Variants in LRRC49 observed in about 807,000 individuals in gnomAD.
LRRC49 encodes the protein leucine-rich repeat-containing protein 49.
In LRRC49, 50 loss-of-function variants were observed where a neutral mutation model predicts 83.3. The observed-to-expected ratio is 0.60, with a 90% CI of 0.48 to 0.76. The LOEUF (loss-of-function observed/expected upper bound fraction) is 0.76. Among genes scored for constraint, LRRC49 ranks in the 30% least tolerant of loss-of-function variants. LRRC49 has a pLI of 0.00. For synonymous variants in LRRC49, 286 were observed against 283.3 expected (o/e 1.01, Z -0.10); for missense variants, 704 against 809.1 (o/e 0.87, Z 1.58).
intron 14 of LRRC49, among the ~76,000 whole-genome samples, chr15:71,031,181 G>A (rs1263561352): frequency 6.6e-6 from 1 of 152,160 alleles, no homozygotes; most frequent in Non-Finnish European, 1.5e-5. Flanking sequence ...TTTGGATGGG[G>A]TTTTTGTGTG....
intron 3 of LRRC49, chr15:70,900,684 C>G: frequency 4.2e-6 from 2 of 472,746 alleles, no homozygotes. Context: ...TCTGTACTTT[C>G]AACCAATCTG....
chr15:71,036,660 C>T (rs184762688), intron 14 of LRRC49, among the ~76,000 whole-genome samples: 2 of 152,238 alleles, frequency 1.3e-5, no homozygotes, highest in Admixed American at 6.5e-5. Flanking sequence ...TAGAATCTTG[C>T]CATGATATGC....
At chr15:70,965,447 C>T (rs1051596927) in intron 9 of LRRC49, among the ~76,000 whole-genome samples, 1 of 152,010 alleles carries the variant, frequency 6.6e-6, no homozygotes. Flanking sequence ...TGCATTATAG[C>T]TGAATTTTGT....
chr15:71,021,340 ATGT>A (rs1237404199), intron 14 of LRRC49, among the ~76,000 whole-genome samples: 1 of 152,230 alleles, frequency 6.6e-6, no homozygotes, highest in Non-Finnish European at 1.5e-5. Flanking sequence ...TAGTGGGTTA[ATGT>A]TGTTCATGTT....
intron 7 of LRRC49, among the ~76,000 whole-genome samples, chr15:70,927,946 GCCAGTCAT>G (rs1185249427): frequency 1.2e-4 from 18 of 152,302 alleles, no homozygotes; most frequent in African/African-American, 4.3e-4. Flanking sequence ...ACCATGCCCA[GCCAGTCAT>G]CCATTTTTAA....
chr15:70,979,118 A>G (rs1044802972), intron 9 of LRRC49, among the ~76,000 whole-genome samples: 10 of 152,114 alleles, frequency 6.6e-5, no homozygotes, highest in Non-Finnish European at 1.5e-4. Flanking sequence ...TTACGTGGTT[A>G]TAATTTATTA....
At chr15:70,914,778 G>A (rs1362768501) in intron 6 of LRRC49, among the ~76,000 whole-genome samples, 1 of 152,182 alleles carries the variant, frequency 6.6e-6, no homozygotes, top group Non-Finnish European at 1.5e-5. Flanking sequence ...TGTTCTTTCA[G>A]TGATCTCTTT....
At chr15:70,937,709 T>C (rs2035649772) in intron 8 of LRRC49, among the ~76,000 whole-genome samples, 1 of 152,210 alleles carries the variant, frequency 6.6e-6, no homozygotes, top group Non-Finnish European at 1.5e-5. Context: ...TTTAACCCAA[T>C]CATCCTGTAC....
intron 8 of LRRC49, among the ~76,000 whole-genome samples, chr15:70,947,745 T>A (rs1441851583): frequency 1.3e-5 from 2 of 152,198 alleles, no homozygotes; most frequent in Non-Finnish European, 2.9e-5. Context: ...TCCTGGTGAT[T>A]TAAATGCACA....
intron 7 of LRRC49, among the ~76,000 whole-genome samples, chr15:70,921,953 G>A (rs886334691): frequency 1.3e-5 from 2 of 152,116 alleles, no homozygotes; most frequent in Non-Finnish European, 2.9e-5. Flanking sequence ...TTCAAACCAA[G>A]TATTTTTAGT....
chr15:71,038,066 A>G (rs961291150), intron 15 of LRRC49, among the ~76,000 whole-genome samples: 1 of 152,200 alleles, frequency 6.6e-6, no homozygotes, highest in African/African-American at 2.4e-5. Flanking sequence ...GGGGCAAAAG[A>G]ACAAGAAAGA....
At chr15:71,020,768 A>G (rs2038969054) in intron 14 of LRRC49, among the ~76,000 whole-genome samples, 1 of 152,228 alleles carries the variant, frequency 6.6e-6, no homozygotes, top group African/African-American at 2.4e-5. Context: ...ACAAAATAAT[A>G]AAAACAAAAT....
chr15:71,005,639 A>G (rs754726158), intron 11 of LRRC49, among the ~76,000 whole-genome samples: 11 of 152,206 alleles, frequency 7.2e-5, no homozygotes, highest in Non-Finnish European at 1.0e-4. Context: ...ATTTTGCTAT[A>G]TCCAGAAACC....
chr15:70,916,556 A>G (rs770559323), intron 6 of LRRC49, among the ~76,000 whole-genome samples: 5 of 152,096 alleles, frequency 3.3e-5, no homozygotes, highest in Non-Finnish European at 7.4e-5. Flanking sequence ...CAGCCTCCCA[A>G]AGTACTGGGA....
Position 70,893,631 on chromosome 15 carries a change from A to G in LRRC49, c.96A>G (p.Glu32=), listed in dbSNP as rs749382373. The G allele has an allele frequency of 6.2e-7, 1 of 1,610,704 alleles. No homozygotes were observed. The change falls in exon 2 of 16, where the codon GAA becomes GAG. Residue 32 remains glutamate (E), a synonymous_variant. Transcript: ENST00000260382. The stretch of plus-strand genomic sequence containing the variant: ...TTATTCAAACATCATCGCTTCCTGA[A>G]AAAAACAAAGTAAGATTTAAGAAGG... ...HLVIQTSSLP[E]KNKVEFKLNK... is the part of the protein sequence containing the mutation.
At chr15:71,011,880 C>A (rs1323865382) in intron 13 of LRRC49, among the ~76,000 whole-genome samples, 1 of 152,132 alleles carries the variant, frequency 6.6e-6, no homozygotes, top group East Asian at 1.9e-4. Flanking sequence ...GTGTCAGGAA[C>A]AAATTTTCAA....
At chr15:70,873,148 G>A (rs1390994040) in exon 2 of LRRC49, 9 of 1,462,034 alleles carry the variant, frequency 6.2e-6, no homozygotes, top group Middle Eastern at 3.4e-4. Flanking sequence ...GCCTCCCAAA[G>A]TGTTGGGATT....
chr15:70,969,903 T>C (rs755576543), intron 9 of LRRC49, among the ~76,000 whole-genome samples: 35 of 152,204 alleles, frequency 2.3e-4, no homozygotes, highest in South Asian at 8.3e-4. Flanking sequence ...TTTCTAAATA[T>C]ACAATCATAT....
intron 8 of LRRC49, among the ~76,000 whole-genome samples, chr15:70,959,432 A>C (rs1014997291): frequency 2.7e-5 from 4 of 147,076 alleles, no homozygotes; most frequent in African/African-American, 9.9e-5. Context: ...CGGAGGTTGC[A>C]GTGAGCCGAG....
Sources: allele counts gnomAD v4.1 joint callset (sites outside exome capture counted in the v4.1 genomes callset), GRCh38; gene constraint gnomAD v4.1.1; transcripts MANE v1.5; gene names NCBI Gene and HGNC (gene_info 2026-07-23, HGNC 2026-07-21).